MATCAP1: variants seen among roughly 807,000 people sequenced by gnomAD.
MATCAP1 encodes microtubule-associated tyrosine carboxypeptidase 1.
chr16:67,180,140 C>T, the MATCAP1 span: 24 of 1,614,068 alleles, frequency 1.5e-5, no homozygotes, highest in Non-Finnish European at 2.0e-5. Context: ...TGTAATGGGA[C>T]TGGAAGAACT....
the MATCAP1 span, among the ~76,000 whole-genome samples, chr16:67,183,106 C>T: frequency 1.3e-5 from 2 of 152,134 alleles, no homozygotes; most frequent in African/African-American, 4.8e-5. Flanking sequence ...CTCTCCACTC[C>T]TCTCTACCCT....
the MATCAP1 span, chr16:67,179,101 G>C: frequency 5.0e-6 from 6 of 1,189,410 alleles, no homozygotes; most frequent in East Asian, 5.6e-5. This position sits in a 1 kb window ranked among gnomAD's most constrained non-coding sequence, Gnocchi z 5.2. Flanking sequence ...GGCTGGCCTG[G>C]TGGGACCCTG....
At chr16:67,182,734 C>T in the MATCAP1 span, among the ~76,000 whole-genome samples, 1 of 152,108 alleles carries the variant, frequency 6.6e-6, no homozygotes, top group Non-Finnish European at 1.5e-5. Flanking sequence ...ATGGGTCACT[C>T]TCTCACTTTC....
chr16:67,180,067 C>T, the MATCAP1 span: 21 of 1,614,066 alleles, frequency 1.3e-5, no homozygotes, highest in South Asian at 8.8e-5. Flanking sequence ...CCAGAGGCCT[C>T]GCAGTACTTT....
the MATCAP1 span, chr16:67,180,190 C>T: frequency 8.1e-6 from 13 of 1,614,218 alleles, no homozygotes; most frequent in Non-Finnish European, 1.1e-5. Flanking sequence ...CGCAGGGCCA[C>T]CAACATGCAG....
At chr16:67,176,756 A>T in the MATCAP1 span, 1 of 1,461,034 alleles carries the variant, frequency 6.8e-7, no homozygotes, top group Non-Finnish European at 9.1e-7. The surrounding 1 kb of genome is among the most constrained non-coding windows in gnomAD (Gnocchi z 4.3). Context: ...TTCATGTTCT[A>T]GGGGCCTATC....
the MATCAP1 span, chr16:67,183,607 G>A: frequency 6.6e-6 from 1 of 152,492 alleles, no homozygotes; most frequent in African/African-American, 2.4e-5. Context: ...CTATTAAGGC[G>A]GGGTCTAGTG....
the MATCAP1 span, chr16:67,180,096 A>T: frequency 1.9e-6 from 3 of 1,614,092 alleles, no homozygotes; most frequent in Non-Finnish European, 2.5e-6. Flanking sequence ...AGCCGTGGGC[A>T]TGGGCTCCTG....
chr16:67,176,806 G>T, the MATCAP1 span: 2 of 1,575,218 alleles, frequency 1.3e-6, no homozygotes, highest in Non-Finnish European at 1.7e-6. The surrounding 1 kb of genome is among the most constrained non-coding windows in gnomAD (Gnocchi z 4.3). Flanking sequence ...AGCCCTCAAC[G>T]GACATCAGTC....
At chr16:67,178,139 CCTCGCCCGAAG>C in the MATCAP1 span, 1 of 1,466,936 alleles carries the variant, frequency 6.8e-7, no homozygotes, top group Non-Finnish European at 9.2e-7. Flanking sequence ...GAGCCCCGCC[CCTCGCCCGAAG>C]CCCCGCCCCC....
the MATCAP1 span, chr16:67,176,691 G>A: frequency 1.1e-6 from 1 of 931,392 alleles, no homozygotes; most frequent in Non-Finnish European, 1.5e-6. This position sits in a 1 kb window ranked among gnomAD's most constrained non-coding sequence, Gnocchi z 4.3. Context: ...GAATGCTCCT[G>A]CCCTCCCAAC....
chr16:67,176,703 C>G, the MATCAP1 span: 12 of 1,082,458 alleles, frequency 1.1e-5, no homozygotes, highest in Non-Finnish European at 1.5e-5. The surrounding 1 kb of genome is among the most constrained non-coding windows in gnomAD (Gnocchi z 4.3). Flanking sequence ...CCTCCCAACA[C>G]CCCCAAGAAA....
the MATCAP1 span, chr16:67,178,151 C>A: frequency 4.5e-5 from 70 of 1,539,082 alleles, no homozygotes; most frequent in Non-Finnish European, 3.3e-5. Flanking sequence ...TCGCCCGAAG[C>A]CCCGCCCCCA....
chr16:67,178,196 C>CA, the MATCAP1 span: 1 of 1,537,300 alleles, frequency 6.5e-7, no homozygotes, highest in Non-Finnish European at 8.8e-7. Flanking sequence ...CGCTGGCGCA[C>CA]ACCTGGCAGC....
chr16:67,177,970 G>A, the MATCAP1 span: 4 of 1,552,414 alleles, frequency 2.6e-6, no homozygotes, highest in African/African-American at 4.1e-5. Context: ...CAGCAAGGCA[G>A]GGAGCTGGCT....
chr16:67,176,548 C>T, the MATCAP1 span: 2 of 379,202 alleles, frequency 5.3e-6, no homozygotes, highest in African/African-American at 4.2e-5. This position sits in a 1 kb window ranked among gnomAD's most constrained non-coding sequence, Gnocchi z 4.3. Flanking sequence ...TGCCCCCATG[C>T]CTTCCCTCTG....
At chr16:67,182,925 T>C in the MATCAP1 span, among the ~76,000 whole-genome samples, 1 of 152,246 alleles carries the variant, frequency 6.6e-6, no homozygotes, top group Admixed American at 6.5e-5. Flanking sequence ...GTATATTTGA[T>C]AGTTATCTGT....
the MATCAP1 span, chr16:67,179,629 T>C: frequency 2.0e-6 from 3 of 1,525,230 alleles, no homozygotes; most frequent in South Asian, 2.3e-5. This position sits in a 1 kb window ranked among gnomAD's most constrained non-coding sequence, Gnocchi z 5.2. Flanking sequence ...GACCCAATGA[T>C]GCCACAGGGC....
the MATCAP1 span, chr16:67,178,248 C>A: frequency 6.4e-7 from 1 of 1,563,062 alleles, no homozygotes; most frequent in Non-Finnish European, 8.7e-7. Flanking sequence ...CGCAGTACTC[C>A]CAGCGCACAT....
Sources: allele counts gnomAD v4.1 joint callset (sites outside exome capture counted in the v4.1 genomes callset), GRCh38; gene constraint gnomAD v4.1.1; non-coding constraint Gnocchi (gnomAD v3.1); transcripts MANE v1.5; gene names NCBI Gene and HGNC (gene_info 2026-07-23, HGNC 2026-07-21).